Variants in RCAN2 observed in about 807,000 individuals in gnomAD.
RCAN2 encodes the protein regulator of calcineurin 2.
Under a neutral mutation model 23.6 loss-of-function variants are expected in RCAN2, and 9 were observed. The observed-to-expected ratio is 0.38, with a 90% CI of 0.23 to 0.67. RCAN2 has a LOEUF of 0.67. RCAN2 is among the 30% of genes least tolerant of loss of function. The pLI, the probability that RCAN2 is intolerant of heterozygous loss-of-function variation, is 0.51. For missense variants in RCAN2, 273 were observed against 302.3 expected, an observed-to-expected ratio of 0.90 and a Z score of 0.72; for synonymous variants, 109 against 115.7, an observed-to-expected ratio of 0.94 and a Z score of 0.37.
At chr6:46,453,498 T>C (rs1767937971) in intron 2 of RCAN2, among the ~76,000 whole-genome samples, 1 of 152,200 alleles carries the variant, frequency 6.6e-6, no homozygotes, top group Non-Finnish European at 1.5e-5. Context: ...CACAAAGCTG[T>C]TTTTTAACAT....
At chr6:46,230,716 AG>A (rs1765853742) in intron 4 of RCAN2, among the ~76,000 whole-genome samples, 1 of 152,172 alleles carries the variant, frequency 6.6e-6, no homozygotes, top group South Asian at 2.1e-4. Flanking sequence ...CCCAACCCCT[AG>A]TGCTTCCTGG....
rs1227697884 is a variant in RCAN2, at chr6:46,491,223, TG to T, written c.-54del. 6.6e-6 allele frequency: 1 copy of T among 151,552 alleles called. No homozygotes were observed. The highest frequency in any genetic ancestry group is 1.5e-5 in the Non-Finnish European group (1 of 68,002). 9.4% of individuals were successfully genotyped at this position (151,552 alleles called of 1,614,324 possible). A position where few individuals can be genotyped will look rare whatever the true frequency, so the allele number is the denominator to read the frequency against. ...CGGAGGCGGAGGCGGAGGCGGCGGC[TG>T]GGGCGTCTACGGGGGCCAGCTGCTA... On this transcript the variant is annotated 5_prime_UTR_variant, in exon 1 of 5. Transcript: ENST00000371374.
chr6:46,325,383 A>T, intron 2 of RCAN2: 1 of 1,613,494 alleles, frequency 6.2e-7, no homozygotes, highest in African/African-American at 1.3e-5. Flanking sequence ...ATAAGATTGC[A>T]GGTGCATACC....
intron 4 of RCAN2, among the ~76,000 whole-genome samples, chr6:46,225,421 T>C (rs1447834159): frequency 2.6e-5 from 4 of 152,320 alleles, no homozygotes; most frequent in African/African-American, 9.6e-5. Flanking sequence ...TGTTCCTATT[T>C]CTCCACATCC....
chr6:46,411,877 G>C (rs2150408129), intron 2 of RCAN2, among the ~76,000 whole-genome samples: 1 of 152,278 alleles, frequency 6.6e-6, no homozygotes, highest in Admixed American at 6.5e-5. Flanking sequence ...AGATTGGCAG[G>C]TATGATCAGA....
At position 46,260,927 on chromosome 6, in the gene RCAN2, A is replaced by G. The variant is rs78233107; in HGVS notation, c.226-12031T>C. 7.9e-3 allele frequency among the ~76,000 whole-genome samples: 1,208 copies of G among 152,170 alleles called. 8 individuals carry two copies. Among genetic ancestry groups the G allele is most frequent in the Non-Finnish European group, 0.014 (952 of 68,040 alleles). On this transcript the variant is annotated intron_variant, in intron 2 of 4. Transcript: ENST00000371374. ...ATGCCAGAAAATTGGGCTTCTGTGC[A>G]TGGTAATAAATACTTTTTATGCAAA...
intron 2 of RCAN2, among the ~76,000 whole-genome samples, chr6:46,344,848 A>AC (rs35805214): frequency 0.42 from 63,977 of 151,836 alleles, 14,913 homozygotes; most frequent in East Asian, 0.6. Flanking sequence ...AAGATGACAG[A>AC]TTAAACTCAA....
chr6:46,437,202 C>A (rs998714109), intron 2 of RCAN2, among the ~76,000 whole-genome samples: 4 of 152,182 alleles, frequency 2.6e-5, no homozygotes, highest in South Asian at 2.1e-4. Flanking sequence ...CCACATTGAC[C>A]CATAATGTTC....
Position 46,267,459 on chromosome 6 carries a change from T to G in RCAN2, c.226-18563A>C, listed in dbSNP as rs576088584. ...ACTCTGGGAGGCCAAGGTGAGAAGA[T>G]CACTTGAGCCCAGGAGTTTGAGACC... is the stretch of plus-strand genomic sequence containing the variant. On this transcript the variant is annotated intron_variant, in intron 2 of 4. Transcript: ENST00000371374. 1.6e-3 allele frequency among the ~76,000 whole-genome samples: 250 copies of G among 152,198 alleles called. 2 individuals carry two copies. Among genetic ancestry groups the G allele is most frequent in the African/African-American group, 5.7e-3 (238 of 41,532 alleles).
intron 2 of RCAN2, among the ~76,000 whole-genome samples, chr6:46,314,758 C>G (rs976919259): frequency 2.6e-5 from 4 of 152,202 alleles, no homozygotes; most frequent in Non-Finnish European, 5.9e-5. Flanking sequence ...TCATGGGCAT[C>G]TTGCCTTAAA....
intron 2 of RCAN2, among the ~76,000 whole-genome samples, chr6:46,331,739 T>C (rs893857507): frequency 1.3e-5 from 2 of 152,226 alleles, no homozygotes; most frequent in Non-Finnish European, 2.9e-5. Context: ...ATAAGCCTTT[T>C]CAGTGAACAG....
intron 2 of RCAN2, among the ~76,000 whole-genome samples, chr6:46,409,469 A>G (rs978420078): frequency 2.6e-5 from 4 of 152,228 alleles, no homozygotes; most frequent in Admixed American, 2.6e-4. Context: ...CACAAACTAT[A>G]TATACATACA....
chr6:46,277,883 G>A (rs1474497947), intron 2 of RCAN2, among the ~76,000 whole-genome samples: 1 of 152,128 alleles, frequency 6.6e-6, no homozygotes, highest in Non-Finnish European at 1.5e-5. Context: ...CCGAGACAAA[G>A]TACTAAAAGT....
At chr6:46,349,043 C>G (rs1000188580) in intron 2 of RCAN2, among the ~76,000 whole-genome samples, 2 of 152,114 alleles carry the variant, frequency 1.3e-5, no homozygotes, top group Non-Finnish European at 2.9e-5. Context: ...GAAAGTGAGC[C>G]ATTTTTCCAA....
intron 2 of RCAN2, among the ~76,000 whole-genome samples, chr6:46,433,614 AC>A (rs769659117): frequency 3.3e-5 from 5 of 152,148 alleles, no homozygotes; most frequent in Non-Finnish European, 7.4e-5. Context: ...GGAAGGGGCT[AC>A]AAGTCAAGGA....
At chr6:46,384,868 C>T (rs12174336) in intron 2 of RCAN2, among the ~76,000 whole-genome samples, 2 of 151,992 alleles carry the variant, frequency 1.3e-5, no homozygotes, top group Non-Finnish European at 1.5e-5. Flanking sequence ...TATATACATT[C>T]GTCAAAATCA....
chr6:46,316,225 T>C (rs748775261), intron 2 of RCAN2, among the ~76,000 whole-genome samples: 3 of 152,244 alleles, frequency 2.0e-5, no homozygotes, highest in Admixed American at 6.5e-5. Flanking sequence ...ATGATGATGA[T>C]GGTAATGAAT....
At chr6:46,265,279 G>A (rs888522295) in intron 2 of RCAN2, among the ~76,000 whole-genome samples, 29 of 152,264 alleles carry the variant, frequency 1.9e-4, no homozygotes, top group Admixed American at 1.8e-3. Flanking sequence ...CCGTGTGTGT[G>A]GGTATGGGTG....
At chr6:46,448,078 A>G (rs1767765660) in intron 2 of RCAN2, among the ~76,000 whole-genome samples, 1 of 151,848 alleles carries the variant, frequency 6.6e-6, no homozygotes, top group African/African-American at 2.4e-5. Context: ...GATAAACAAA[A>G]TCAACAACCC....
Sources: gnomAD v4.1 joint callset for allele counts (sites outside exome capture counted in the v4.1 genomes callset) on GRCh38, gnomAD v4.1.1 for gene constraint, MANE v1.5 for transcripts, NCBI Gene and HGNC (gene_info 2026-07-23, HGNC 2026-07-21) for gene names.